Variants in PSMD9 observed in about 807,000 individuals in gnomAD.
The protein encoded by PSMD9 is proteasome 26S subunit, non-ATPase 9, also known as 26S proteasome non-ATPase regulatory subunit 9.
A neutral mutation model predicts 25.9 loss-of-function variants in PSMD9; 26 were observed. The ratio of observed to expected loss-of-function variants is 1.00; its 90% CI spans 0.73 to 1.39. The LOEUF (loss-of-function observed/expected upper bound fraction) is 1.39, where lower values mean the gene tolerates loss of function less well. PSMD9 is among the 40% of genes most tolerant of loss of function. The pLI is 0.00. For missense variants in PSMD9, 303 were observed against 299.3 expected, an observed-to-expected ratio of 1.01 and a Z score of -0.09; for synonymous variants, 110 against 114.5, an observed-to-expected ratio of 0.96 and a Z score of 0.25.
rs1428352140 is a variant in PSMD9, at chr12:121,917,365, A to G, written c.*1054A>G. On this transcript the variant is annotated 3_prime_UTR_variant, in exon 6 of 6. Transcript: ENST00000541212. ...GCGCTATTTTGTAAACCGCTGAGGT[A>G]TGGATAGGAACGAGTAGATCAGACC... 1 of 152,278 alleles carries G rather than the reference A, an allele frequency of 6.6e-6. No homozygotes were observed. The highest frequency in any genetic ancestry group is 1.5e-5 in the Non-Finnish European group (1 of 68,050). 9.4% of individuals were successfully genotyped at this position (152,278 alleles called of 1,614,324 possible).
Position 121,902,794 on chromosome 12 carries a change from G to A in PSMD9, c.454-212G>A. 17 of 504,136 alleles carry A rather than the reference G, an allele frequency of 3.4e-5. No individual in the cohort carries two copies. The South Asian group carries it at 3.4e-4, about 10-fold the overall frequency. 31.2% of individuals were successfully genotyped at this position (504,136 alleles called of 1,614,324 possible). ...GGCAGACCTGGTCATCTTTACTAGA[G>A]CTGCCCTCAAAGGAACCCCAGGAGG... is the stretch of plus-strand genomic sequence containing the variant. On this transcript the variant is annotated intron_variant, in intron 3 of 5. Coordinates refer to ENST00000541212, the MANE Select transcript of PSMD9 (RefSeq NM_002813.7).
intron 1 of PSMD9, among the ~76,000 whole-genome samples, chr12:121,889,902 G>A (rs1044057512): frequency 1.3e-5 from 2 of 151,998 alleles, no homozygotes; most frequent in African/African-American, 4.8e-5. Flanking sequence ...TGCATTTTAG[G>A]TGATGTAAGA....
At chr12:121,894,070 A>G (rs1463660448) in intron 1 of PSMD9, 1 of 151,904 alleles carries the variant, frequency 6.6e-6, no homozygotes, top group Non-Finnish European at 1.5e-5. Context: ...AGTCTAACCA[A>G]TTGCAAAGCC....
At chr12:121,892,525 C>G (rs1407705159) in intron 1 of PSMD9, among the ~76,000 whole-genome samples, 2 of 151,952 alleles carry the variant, frequency 1.3e-5, no homozygotes, top group African/African-American at 2.4e-5. Flanking sequence ...ACGGTGAAAC[C>G]CCGTCTCTAC....
intron 4 of PSMD9, among the ~76,000 whole-genome samples, chr12:121,912,196 T>C (rs1269375863): frequency 6.6e-6 from 1 of 151,846 alleles, no homozygotes; most frequent in African/African-American, 2.4e-5. Flanking sequence ...TGTGCCACCA[T>C]GCCCAGCTAA....
At position 121,903,030 on chromosome 12, in the gene PSMD9, G is replaced by A. The variant is rs1460886394; in HGVS notation, c.478G>A (p.Val160Met). ...IAGLQVDDEI[V>M]EFGSVNTQNF... ...GGGTCTGCAAGTGGATGATGAGATT[G>A]TGGAGTTCGGCTCTGTGAACACCCA... The change falls in exon 4 of 6, where the codon GTG becomes ATG. Residue 160 changes from valine (V) to methionine (M), a missense_variant. Coordinates refer to ENST00000541212, the MANE Select transcript of PSMD9 (RefSeq NM_002813.7). The A allele has an allele frequency of 1.9e-6, 3 of 1,614,100 alleles. No individual in the cohort carries two copies.
At chr12:121,909,818 A>C (rs1405647678) in intron 4 of PSMD9, among the ~76,000 whole-genome samples, 1 of 152,114 alleles carries the variant, frequency 6.6e-6, no homozygotes, top group African/African-American at 2.4e-5. Flanking sequence ...GGTTGTTTCC[A>C]GTGTTTGGCC....
chr12:121,915,806 C>T (rs758790296), intron 4 of PSMD9, 50 bp from the exon 5 acceptor site: 2 of 1,471,836 alleles, frequency 1.4e-6, no homozygotes, highest in Non-Finnish European at 1.9e-6. Context: ...TAGCCTGCAT[C>T]TCTGAGTACT....
chr12:121,908,215 G>A (rs1329698321), intron 4 of PSMD9: 1 of 149,312 alleles, frequency 6.7e-6, no homozygotes, highest in Non-Finnish European at 1.5e-5. Context: ...TGTCGCTCTT[G>A]TTGCCCAGGC....
chr12:121,897,588 C>T (rs1879271563), intron 2 of PSMD9: 1 of 149,104 alleles, frequency 6.7e-6, no homozygotes. Context: ...TTAGTAGAGA[C>T]GGGATTTCAC....
In PSMD9 at chr12:121,899,262, G is replaced by A. The variant is rs539592577; in HGVS notation, c.242-372G>A. On this transcript the variant is annotated intron_variant, in intron 2 of 5. Coordinates refer to ENST00000541212, the MANE Select transcript of PSMD9 (RefSeq NM_002813.7). ...CACAGCGCTGGCCCCTCATACATATGCCTTTGAGTTCATGGCTGTGGATTC... is the reference window on the plus strand; with the variant it reads ...CACAGCGCTGGCCCCTCATACATATACCTTTGAGTTCATGGCTGTGGATTC... The A allele has an allele frequency of 1.9e-3, 463 of 237,678 alleles. 1 individual carries two copies. The highest frequency in any genetic ancestry group is 3.2e-3 in the Non-Finnish European group (374 of 118,476). 14.7% of individuals were successfully genotyped at this position (237,678 alleles called of 1,614,324 possible).
intron 3 of PSMD9, 93 bp downstream of exon 3, chr12:121,899,938 C>T (rs772696049): frequency 6.5e-6 from 9 of 1,381,996 alleles, no homozygotes; most frequent in African/African-American, 1.4e-5. Flanking sequence ...TAGTTCTCTC[C>T]GTGCTGCGGT....
intron 4 of PSMD9, among the ~76,000 whole-genome samples, chr12:121,913,599 C>T (rs1333256776): frequency 2.0e-5 from 3 of 149,654 alleles, no homozygotes. Flanking sequence ...TCAAGTGATC[C>T]TCCCACCTCA....
At chr12:121,894,543 TAAA>T (rs1211140297) in intron 1 of PSMD9, 193 bp from the exon 2 acceptor site, 5 of 563,142 alleles carry the variant, frequency 8.9e-6, no homozygotes, top group Non-Finnish European at 1.6e-5. Flanking sequence ...TCGTTAAAAA[TAAA>T]AAATGAAAAA....
In PSMD9 at chr12:121,888,970, G is replaced by A; in HGVS notation, c.114G>A (p.Lys38=). The change falls in exon 1 of 6, where the codon AAG becomes AAA. Residue 38 remains lysine (K), a synonymous_variant. Coordinates refer to ENST00000541212, the MANE Select transcript of PSMD9 (RefSeq NM_002813.7). Reference sequence around the variant, plus strand: ...AGGAGGAGATAGAAGCGCAGATCAAGGCCAACTATGACGTGCTGGAAAGCG... The same window carrying A: ...AGGAGGAGATAGAAGCGCAGATCAAAGCCAACTATGACGTGCTGGAAAGCG... ...RRKEEIEAQI[K]ANYDVLESQK... The A allele has an allele frequency of 6.3e-7, 1 of 1,589,566 alleles. No homozygotes were observed. The highest frequency in any genetic ancestry group is 8.6e-7 in the Non-Finnish European group (1 of 1,168,564).
chr12:121,892,424 G>A (rs1205102198), intron 1 of PSMD9, among the ~76,000 whole-genome samples: 3 of 152,202 alleles, frequency 2.0e-5, no homozygotes, highest in South Asian at 2.1e-4. Flanking sequence ...TTAAAGGCCG[G>A]GCATGGTGGC....
At chr12:121,911,589 T>G (rs751778134) in intron 4 of PSMD9, among the ~76,000 whole-genome samples, 12 of 152,114 alleles carry the variant, frequency 7.9e-5, no homozygotes, top group Non-Finnish European at 1.2e-4. Context: ...GCCCAGAAAT[T>G]TAATTGCTGC....
chr12:121,905,198 TC>T (rs1879517590), intron 4 of PSMD9, among the ~76,000 whole-genome samples: 1 of 151,084 alleles, frequency 6.6e-6, no homozygotes. Context: ...CAGTGTACAG[TC>T]CCATGAGTTT....
At chr12:121,913,400 AT>A (rs1172180779) in intron 4 of PSMD9, among the ~76,000 whole-genome samples, 6 of 151,222 alleles carry the variant, frequency 4.0e-5, no homozygotes, top group Non-Finnish European at 4.4e-5. Flanking sequence ...TTCTAATCAG[AT>A]TTTTTTGTTG....
Sources: gnomAD v4.1 joint callset for allele counts (sites outside exome capture counted in the v4.1 genomes callset) on GRCh38, gnomAD v4.1.1 for gene constraint, MANE v1.5 for transcripts, NCBI Gene and HGNC (gene_info 2026-07-23, HGNC 2026-07-21) for gene names.